The following GATB variants were observed in gnomAD, a reference collection of about 807,000 sequenced individuals.
GATB encodes the protein glutamyl-tRNA amidotransferase subunit B.
Under a neutral mutation model 62.3 loss-of-function variants are expected in GATB, and 39 were observed. The ratio of observed to expected loss-of-function variants is 0.63; its 90% confidence interval spans 0.48 to 0.82. GATB has a LOEUF of 0.82. Ranked by LOEUF, GATB falls within the 40% of genes least tolerant of loss-of-function variation. The pLI, the probability that GATB is intolerant of heterozygous loss-of-function variation, is 0.00. For synonymous variants in GATB, 276 were observed against 258.9 expected (o/e 1.07, Z -0.63); for missense variants, 670 against 684.0 (o/e 0.98, Z 0.23).
At chr4:151,694,289 C>G (rs953675889) in intron 9 of GATB, among the ~76,000 whole-genome samples, 1 of 152,104 alleles carries the variant, frequency 6.6e-6, no homozygotes, top group African/African-American at 2.4e-5. Context: ...CCCTGTGGGT[C>G]CCCAAGGCTG....
At chr4:151,756,313 A>C (rs1560868498) in intron 2 of GATB, among the ~76,000 whole-genome samples, 1 of 152,234 alleles carries the variant, frequency 6.6e-6, no homozygotes, top group Non-Finnish European at 1.5e-5. Context: ...TCTGGCTATC[A>C]GAGCATGTTT....
At position 151,679,905 on chromosome 4, in the gene GATB, A is replaced by G. The variant is rs1738100485; in HGVS notation, c.1332-14T>C. The G allele has an allele frequency of 1.2e-6, 2 of 1,613,406 alleles. No individual in the cohort carries two copies. Among genetic ancestry groups the G allele is most frequent in the Non-Finnish European group, 1.7e-6 (2 of 1,179,396 alleles). On this transcript the variant is annotated splice_polypyrimidine_tract_variant and intron_variant, in intron 10 of 12. Transcript: ENST00000263985. The stretch of plus-strand genomic sequence containing the variant: ...GGTGTGACAGGACTGGTGGCCCCCA[A>G]AAGAGAAAACACATTTACATTGCAC...
chr4:151,673,185 A>G, intron 11 of GATB: 1 of 271,738 alleles, frequency 3.7e-6, no homozygotes, highest in Non-Finnish European at 7.0e-6. Context: ...AAGGTGTGAG[A>G]GGACTCGGGC....
intron 2 of GATB, among the ~76,000 whole-genome samples, chr4:151,725,686 T>C (rs1486601738): frequency 1.3e-5 from 2 of 152,370 alleles, no homozygotes; most frequent in African/African-American, 4.8e-5. Context: ...TATAACTTAC[T>C]TAAGTCCATA....
chr4:151,687,740 T>TC (rs1738280597), intron 10 of GATB, among the ~76,000 whole-genome samples: 1 of 151,874 alleles, frequency 6.6e-6, no homozygotes, highest in Non-Finnish European at 1.5e-5. Flanking sequence ...CTTCTCTCCC[T>TC]CCCCCCTTCC....
intron 2 of GATB, among the ~76,000 whole-genome samples, chr4:151,733,019 G>A (rs1739300269): frequency 6.6e-6 from 1 of 151,970 alleles, no homozygotes; most frequent in Non-Finnish European, 1.5e-5. Flanking sequence ...CAAAAAGTCT[G>A]AAAGAGTACC....
At chr4:151,686,347 T>C (rs939848296) in intron 10 of GATB, among the ~76,000 whole-genome samples, 2 of 152,128 alleles carry the variant, frequency 1.3e-5, no homozygotes, top group African/African-American at 4.8e-5. Flanking sequence ...CATGGATGTG[T>C]GCATCCATAT....
At chr4:151,740,611 G>C (rs1560863258) in intron 2 of GATB, among the ~76,000 whole-genome samples, 1 of 152,178 alleles carries the variant, frequency 6.6e-6, no homozygotes, top group Admixed American at 6.5e-5. Context: ...TGCAGTACAT[G>C]ATGTACTCAT....
intron 7 of GATB, 98 bp downstream of exon 7, chr4:151,705,087 C>T (rs535567157): frequency 3.7e-5 from 28 of 759,970 alleles, no homozygotes; most frequent in Admixed American, 6.4e-5. Context: ...GGAGACGCTA[C>T]GTGCCTCCTT....
Position 151,760,960 on chromosome 4 carries a change from C to G in GATB, c.23G>C (p.Trp8Ser), listed in dbSNP as rs754223612. Reference sequence around the variant, plus strand: ...AGCCCAACGTCTTCCACGGCAGCCCCAGCGCAGCATGGGCGCCGCCATTGT... The same window carrying G: ...AGCCCAACGTCTTCCACGGCAGCCCGAGCGCAGCATGGGCGCCGCCATTGT... MAAPMLRWGCRGRRWAFA... is the reference protein window; with the variant it reads MAAPMLRSGCRGRRWAFA... Residue 8 changes from tryptophan to serine, a missense_variant, in exon 1 of 13, where the codon TGG becomes TCG. Transcript: ENST00000263985. 1.9e-6 allele frequency: 3 copies of G among 1,612,504 alleles called. No homozygotes were observed. The highest frequency in any genetic ancestry group is 1.7e-6 in the Non-Finnish European group (2 of 1,179,580).
At chr4:151,680,545 C>T (rs1255556421) in intron 10 of GATB, among the ~76,000 whole-genome samples, 1 of 152,096 alleles carries the variant, frequency 6.6e-6, no homozygotes. Flanking sequence ...TCAGGGGCAT[C>T]CAAGCATAGT....
At chr4:151,724,295 C>A (rs958018244) in intron 2 of GATB, 3 of 152,246 alleles carry the variant, frequency 2.0e-5, no homozygotes, top group African/African-American at 7.2e-5. Flanking sequence ...TAATTCAGGT[C>A]TTTGTTTAAA....
chr4:151,732,051 A>G (rs1578929759), intron 2 of GATB, among the ~76,000 whole-genome samples: 2 of 79,454 alleles, frequency 2.5e-5, no homozygotes, highest in African/African-American at 1.5e-4. Flanking sequence ...TCCGGGAGGG[A>G]GGTGGGGGGG....
intron 12 of GATB, chr4:151,672,517 C>T: frequency 2.1e-6 from 1 of 477,640 alleles, no homozygotes; most frequent in Non-Finnish European, 3.7e-6. Context: ...TTAAACTACA[C>T]CTCCATGGAG....
At chr4:151,722,015 C>A in intron 2 of GATB, 1 of 574,254 alleles carries the variant, frequency 1.7e-6, no homozygotes, top group Non-Finnish European at 3.1e-6. Flanking sequence ...ACTTCAAGGT[C>A]AGAATTATAA....
chr4:151,703,815 GA>G, intron 8 of GATB, 35 bp downstream of exon 8: 1 of 1,413,878 alleles, frequency 7.1e-7, no homozygotes, highest in East Asian at 2.3e-5. Flanking sequence ...CCCAGCCCCC[GA>G]TATATAGCGG....
At chr4:151,748,326 A>G (rs185161143) in intron 2 of GATB, among the ~76,000 whole-genome samples, 1 of 152,334 alleles carries the variant, frequency 6.6e-6, no homozygotes, top group East Asian at 1.9e-4. Flanking sequence ...ATATAGACCA[A>G]TGGAACAGAA....
At chr4:151,737,591 CAG>C (rs1052874838) in intron 2 of GATB, among the ~76,000 whole-genome samples, 3 of 152,180 alleles carry the variant, frequency 2.0e-5, no homozygotes, top group Non-Finnish European at 4.4e-5. Context: ...ATCCCCAAGA[CAG>C]GGGGAAAATG....
chr4:151,710,608 G>A (rs987697762), intron 5 of GATB, among the ~76,000 whole-genome samples: 1 of 152,142 alleles, frequency 6.6e-6, no homozygotes, highest in African/African-American at 2.4e-5. Flanking sequence ...CACAGGACAC[G>A]CTTGTCTTCA....
Sources: gnomAD v4.1 joint callset for allele counts (sites outside exome capture counted in the v4.1 genomes callset) on GRCh38, gnomAD v4.1.1 for gene constraint, MANE v1.5 for transcripts, NCBI Gene and HGNC (gene_info 2026-07-23, HGNC 2026-07-21) for gene names.